Variants in BBS9 observed in about 807,000 individuals in gnomAD.
BBS9 encodes the protein Bardet-Biedl syndrome 9, also known as protein PTHB1.
In BBS9, 89 loss-of-function variants were observed where a neutral mutation model predicts 117.7. The ratio of observed to expected loss-of-function variants is 0.76; its 90% confidence interval spans 0.64 to 0.90. BBS9 has a LOEUF of 0.90. Among genes scored for constraint, BBS9 ranks in the 40% least tolerant of loss-of-function variants. The probability of loss-of-function intolerance (pLI) is 0.00; values close to 1 mark genes in which losing one functional copy is unlikely to be tolerated. For missense variants in BBS9, 982 were observed against 1,042.2 expected (o/e 0.94, Z 0.80); for synonymous variants, 379 against 370.9 (o/e 1.02, Z -0.25).
At chr7:33,313,712 T>G (rs1486173899) in intron 9 of BBS9, among the ~76,000 whole-genome samples, 2 of 152,234 alleles carry the variant, frequency 1.3e-5, no homozygotes, top group Non-Finnish European at 2.9e-5. Flanking sequence ...GGCTCCTCCA[T>G]TTTACTTGTC....
At position 33,267,528 on chromosome 7, in the gene BBS9, G is replaced by C. The variant is rs147769103; in HGVS notation, c.702+3154G>C. ...TTTATTAGCTATAACTCTTTGTTTTGTTATTTTAGTGTTTGCTTTAGGGTT... is the reference window on the plus strand; with the variant it reads ...TTTATTAGCTATAACTCTTTGTTTTCTTATTTTAGTGTTTGCTTTAGGGTT... On this transcript the variant is annotated intron_variant, in intron 7 of 22. Transcript: ENST00000242067. Among the ~76,000 whole-genome samples, 9 of 150,422 alleles carry C rather than the reference G, an allele frequency of 6.0e-5. 1 individual carries two copies. Among genetic ancestry groups the C allele is most frequent in the African/African-American group, 2.2e-4 (9 of 40,952 alleles).
chr7:33,558,476 G>A (rs990250408), intron 21 of BBS9, among the ~76,000 whole-genome samples: 1 of 152,170 alleles, frequency 6.6e-6, no homozygotes, highest in Admixed American at 6.5e-5. Context: ...AGGATTCAAA[G>A]GAGGTACGAA....
At chr7:33,267,905 C>T (rs927705214) in intron 7 of BBS9, among the ~76,000 whole-genome samples, 17 of 151,974 alleles carry the variant, frequency 1.1e-4, no homozygotes, top group Admixed American at 6.6e-4. Context: ...CTGCTGGTGA[C>T]GAATTTTTCA....
chr7:33,142,028 C>T lies in BBS9; in HGVS notation c.-11-4214C>T, dbSNP rs369240759. On this transcript the variant is annotated intron_variant, in intron 1 of 22. Transcript: ENST00000242067. ...TCGGCTCACTGCAAGCTCTGCCTCC[C>T]GGGTTCATGCCATTCTCCTGCCTCA... 1.3e-3 allele frequency among the ~76,000 whole-genome samples: 204 copies of T among 152,144 alleles called. 7 individuals are homozygous for T. The South Asian group carries it at 0.034, about 25-fold the overall frequency.
Position 33,155,618 on chromosome 7 carries a change from A to T in BBS9, c.264-20A>T, listed in dbSNP as rs1793979274. 6.3e-7 allele frequency: 1 copy of T among 1,575,356 alleles called. No individual in the cohort carries two copies. The highest frequency in any genetic ancestry group is 1.1e-5 in the South Asian group (1 of 89,638). ...TAAAGCTAATATTGGAAAACTTTAA[A>T]AACTTTCTCTGTTTTTCAGAGGTAC... On this transcript the variant is annotated intron_variant, in intron 3 of 22. Coordinates refer to ENST00000242067, the MANE Select transcript of BBS9 (RefSeq NM_198428.3).
At position 33,164,184 on chromosome 7, in the gene BBS9, T is replaced by C. The variant is rs568378346; in HGVS notation, c.328+8482T>C. The stretch of plus-strand genomic sequence containing the variant: ...CCTGAGTTCTAATTTGATTGCACTG[T>C]GGTCTGAGAGACAGTTTGTTATGAT... On this transcript the variant is annotated intron_variant, in intron 4 of 22. Transcript: ENST00000242067. Among the ~76,000 whole-genome samples the C allele has an allele frequency of 1.1e-3, 171 of 152,380 alleles. 2 individuals carry two copies. The South Asian group carries it at 0.013, about 11-fold the overall frequency.
At chr7:33,514,481 C>T (rs566611787) in intron 20 of BBS9, among the ~76,000 whole-genome samples, 1 of 152,194 alleles carries the variant, frequency 6.6e-6, no homozygotes, top group East Asian at 1.9e-4. Context: ...GTGCTCAGAA[C>T]CACAGGCTCA....
At chr7:33,412,959 A>G (rs1464957291) in intron 19 of BBS9, among the ~76,000 whole-genome samples, 1 of 152,168 alleles carries the variant, frequency 6.6e-6, no homozygotes, top group Non-Finnish European at 1.5e-5. Flanking sequence ...AAAATTTTGA[A>G]AGCTGTTGAC....
rs145108486 is a variant in BBS9, at chr7:33,323,797, G to T, written c.1017-12644G>T. On this transcript the variant is annotated intron_variant, in intron 9 of 22. Transcript: ENST00000242067. Reference sequence around the variant, plus strand: ...CCTGCCATTTTGTTCTGTGGTTTCTGGTCTTCTCTTCCTTCTTTTCTTCAT... The same window carrying T: ...CCTGCCATTTTGTTCTGTGGTTTCTTGTCTTCTCTTCCTTCTTTTCTTCAT... Among the ~76,000 whole-genome samples the T allele has an allele frequency of 2.0e-5, 3 of 148,080 alleles. No homozygotes were observed. In the South Asian group the frequency reaches 6.4e-4, roughly 32 times the overall value.
intron 9 of BBS9, among the ~76,000 whole-genome samples, chr7:33,335,466 C>G (rs1324166465): frequency 6.6e-6 from 1 of 152,002 alleles, no homozygotes; most frequent in Non-Finnish European, 1.5e-5. Context: ...GTGAGTCAAA[C>G]AAATCCATTA....
At chr7:33,215,642 GACACACACAC>G (rs147463247) in intron 5 of BBS9, among the ~76,000 whole-genome samples, 1 of 151,478 alleles carries the variant, frequency 6.6e-6, no homozygotes, top group South Asian at 2.1e-4. Flanking sequence ...GACACACAGA[GACACACACAC>G]ACACAGGAAT....
At chr7:33,453,081 T>C (rs1291616731) in intron 19 of BBS9, among the ~76,000 whole-genome samples, 1 of 152,234 alleles carries the variant, frequency 6.6e-6, no homozygotes, top group African/African-American at 2.4e-5. Context: ...CATTCATCTC[T>C]TCCAAAATCT....
intron 19 of BBS9, among the ~76,000 whole-genome samples, chr7:33,467,570 C>CA (rs1840373404): frequency 7.3e-6 from 1 of 137,494 alleles, no homozygotes; most frequent in African/African-American, 2.6e-5. Flanking sequence ...CCCCCCAACT[C>CA]CGCCACCTCC....
intron 21 of BBS9, among the ~76,000 whole-genome samples, chr7:33,536,698 T>TACCCCCCG (rs1563323435): frequency 2.5e-5 from 1 of 40,696 alleles, no homozygotes; most frequent in African/African-American, 9.5e-5. Context: ...GCCCCCCGCC[T>TACCCCCCG]CCCCCCACCC....
chr7:33,138,746 C>A (rs947433865), intron 1 of BBS9, among the ~76,000 whole-genome samples: 1 of 150,306 alleles, frequency 6.7e-6, no homozygotes, highest in Admixed American at 6.7e-5. Flanking sequence ...TGGAGACTGG[C>A]TAATATTTTT....
intron 17 of BBS9, among the ~76,000 whole-genome samples, chr7:33,368,113 A>T (rs545218637): frequency 1.3e-5 from 2 of 152,300 alleles, no homozygotes; most frequent in East Asian, 3.9e-4. Flanking sequence ...TATGTAACTG[A>T]TATATTCACT....
intron 5 of BBS9, among the ~76,000 whole-genome samples, chr7:33,254,437 T>A (rs1796695531): frequency 6.6e-6 from 1 of 151,718 alleles, no homozygotes; most frequent in African/African-American, 2.4e-5. Flanking sequence ...TGTTCTGATA[T>A]ACATATACAT....
intron 21 of BBS9, among the ~76,000 whole-genome samples, chr7:33,626,407 C>A (rs1865639011): frequency 6.6e-6 from 1 of 152,056 alleles, no homozygotes; most frequent in Admixed American, 6.6e-5. Flanking sequence ...TGGGGCATTG[C>A]CATAAAGGTA....
chr7:33,194,100 G>GA (rs35745225), intron 5 of BBS9, among the ~76,000 whole-genome samples: 1 of 151,892 alleles, frequency 6.6e-6, no homozygotes, highest in African/African-American at 2.4e-5. Context: ...TCTTTTTGCA[G>GA]AAAAAATACC....
Sources: allele counts gnomAD v4.1 joint callset (sites outside exome capture counted in the v4.1 genomes callset), GRCh38; gene constraint gnomAD v4.1.1; transcripts MANE v1.5; gene names NCBI Gene and HGNC (gene_info 2026-07-23, HGNC 2026-07-21).